Variants in SENP5 observed in about 807,000 individuals in gnomAD.
SENP5 encodes the protein SUMO specific peptidase 5.
In SENP5, 21 loss-of-function variants were observed where a neutral mutation model predicts 74.2. The ratio of observed to expected loss-of-function variants is 0.28; its 90% CI spans 0.20 to 0.41. The LOEUF (loss-of-function observed/expected upper bound fraction) is 0.41. Ranked by LOEUF, SENP5 falls within the 10% of genes least tolerant of loss-of-function variation. SENP5 has a pLI of 1.00. For missense variants in SENP5, 717 were observed against 889.1 expected (o/e 0.81, Z 2.46); for synonymous variants, 311 against 312.7 (o/e 0.99, Z 0.06).
chr3:196,914,586 A>AAAAAAAAAATATATATATATATAT, intron 6 of SENP5: 43 of 33,418 alleles, frequency 1.3e-3, no homozygotes, highest in Non-Finnish European at 2.0e-3. Context: ...AAAAAAAAAA[A>AAAAAAAAAATATATATATATATAT]ATATATATAT....
At chr3:196,881,305 G>A (rs145524829) in intron 1 of SENP5, among the ~76,000 whole-genome samples, 20 of 152,138 alleles carry the variant, frequency 1.3e-4, no homozygotes, top group African/African-American at 4.6e-4. Flanking sequence ...TTGTACATGT[G>A]TATATTTGTA....
Position 196,876,974 on chromosome 3 carries a change from G to A in SENP5, c.-31-8177G>A, listed in dbSNP as rs1713504447. Among the ~76,000 whole-genome samples, 3 of 152,096 alleles carry A rather than the reference G, an allele frequency of 2.0e-5. 1 individual carries two copies. The highest frequency in any genetic ancestry group is 2.0e-4 in the Admixed American group (3 of 15,256). On this transcript the variant is annotated intron_variant, in intron 1 of 9. Transcript: ENST00000323460. The stretch of plus-strand genomic sequence containing the variant: ...TGTTGGGCACTACAAAACCCAAACC[G>A]TGGAATCATATTGGACTCTGCCACC...
At chr3:196,916,527 C>CT (rs36159681) in intron 6 of SENP5, among the ~76,000 whole-genome samples, 34,411 of 143,152 alleles carry the variant, frequency 0.24, 4,193 homozygotes, top group African/African-American at 0.34. Flanking sequence ...AAGAGATTGA[C>CT]TTTTTTTTTT....
intron 2 of SENP5, among the ~76,000 whole-genome samples, chr3:196,893,368 A>G (rs187533279): frequency 4.6e-5 from 7 of 152,346 alleles, no homozygotes; most frequent in African/African-American, 7.2e-5. Context: ...GTGTGTGTGT[A>G]TAGCAAAAGT....
chr3:196,914,926 C>T (rs1715311112), intron 6 of SENP5, among the ~76,000 whole-genome samples: 2 of 152,074 alleles, frequency 1.3e-5, no homozygotes, highest in Non-Finnish European at 2.9e-5. Context: ...TGTGTGCTTG[C>T]AGGAGGAAGA....
chr3:196,931,452 C>G lies in SENP5; in HGVS notation c.*529C>G. The G allele has an allele frequency of 5.6e-6, 1 of 179,768 alleles. No individual in the cohort carries two copies. Among genetic ancestry groups the G allele is most frequent in the Non-Finnish European group, 1.2e-5 (1 of 86,102 alleles). 11.1% of individuals were successfully genotyped at this position (179,768 alleles called of 1,614,324 possible). ...CACCAACTTCCCTCTCCAAGTGAGT[C>G]TTAGAGAGTGCAGTCCATTCCTTTT... On this transcript the variant is annotated 3_prime_UTR_variant, in exon 10 of 10. Transcript: ENST00000323460.
At chr3:196,926,501 T>C (rs1715818345) in intron 7 of SENP5, among the ~76,000 whole-genome samples, 1 of 151,418 alleles carries the variant, frequency 6.6e-6, no homozygotes, top group South Asian at 2.1e-4. Flanking sequence ...AAAAAAAGAA[T>C]TTATATATAC....
chr3:196,903,518 T>C lies in SENP5; in HGVS notation c.1807-15T>C, dbSNP rs752815430. 2 of 1,574,262 alleles carry C rather than the reference T, an allele frequency of 1.3e-6. No individual in the cohort carries two copies. The highest frequency in any genetic ancestry group is 1.7e-6 in the Non-Finnish European group (2 of 1,157,186). ...CTAATATAATCTGGTTGCTTGTGTT[T>C]GTTGTCTGTTCTAGGTTCACTTCTT... On this transcript the variant is annotated splice_polypyrimidine_tract_variant and intron_variant, in intron 5 of 9. Coordinates refer to ENST00000323460, the MANE Select transcript of SENP5 (RefSeq NM_152699.5).
intron 2 of SENP5, among the ~76,000 whole-genome samples, chr3:196,898,764 C>A (rs959039244): frequency 1.3e-5 from 2 of 151,914 alleles, no homozygotes; most frequent in Admixed American, 1.3e-4. Flanking sequence ...CCATTCGATT[C>A]TATGCGATGA....
Position 196,895,912 on chromosome 3 carries a change from AG to A in SENP5, c.1514-3753del, listed in dbSNP as rs1714424387. ...CAGAGTGCTCTGTAATTTGAACTCC[AG>A]TTTTTGTTTGTTGTTTATTCCTAAC... On this transcript the variant is annotated intron_variant, in intron 2 of 9. Transcript: ENST00000323460. Among the ~76,000 whole-genome samples the A allele has an allele frequency of 4.6e-5, 7 of 152,286 alleles. No homozygotes were observed. In the South Asian group the frequency reaches 1.4e-3, roughly 32 times the overall value.
At chr3:196,877,127 C>T (rs1713511036) in intron 1 of SENP5, among the ~76,000 whole-genome samples, 1 of 152,064 alleles carries the variant, frequency 6.6e-6, no homozygotes, top group Non-Finnish European at 1.5e-5. Flanking sequence ...CAAGACCAGT[C>T]TGGGCAACAT....
chr3:196,885,407 C>T lies in SENP5; in HGVS notation c.226C>T (p.Leu76Phe), dbSNP rs199656533. ...IQKTWIKDEP[L>F]CAKTKFNVAT... ...GAAAACGTGGATCAAGGATGAACCC[C>T]TTTGTGCTAAGACCAAGTTCAATGT... Residue 76 changes from leucine to phenylalanine, a missense_variant, in exon 2 of 10, where the codon CTT becomes TTT. Leu to Phe is a conservative substitution (Grantham distance 22). Coordinates refer to ENST00000323460, the MANE Select transcript of SENP5 (RefSeq NM_152699.5). The T allele has an allele frequency of 2.4e-5, 38 of 1,613,996 alleles. No individual in the cohort carries two copies. The highest frequency in any genetic ancestry group is 2.1e-5 in the Non-Finnish European group (25 of 1,180,028).
At chr3:196,882,369 C>T (rs571172625) in intron 1 of SENP5, among the ~76,000 whole-genome samples, 56 of 152,246 alleles carry the variant, frequency 3.7e-4, no homozygotes, top group African/African-American at 1.1e-3. Context: ...ATTCTGTACC[C>T]ATTAAGCAAT....
Position 196,923,416 on chromosome 3 carries a change from G to A in SENP5, c.1887G>A (p.Val629=). The A allele has an allele frequency of 6.2e-7, 1 of 1,602,860 alleles. No homozygotes were observed. The highest frequency in any genetic ancestry group is 8.5e-7 in the Non-Finnish European group (1 of 1,176,550). ...TTTCTTTCTCTTTTCTTGATCAGGT[G>A]GATTTGTTTAAAAAGAGTCTTCTGT... The part of the protein sequence containing the change: ...YNGVKRWTKK[V]DLFKKSLLLI... The change falls in exon 7 of 10, where the codon GTG becomes GTA. Residue 629 remains valine, a splice_region_variant and synonymous_variant. Coordinates refer to ENST00000323460, the MANE Select transcript of SENP5 (RefSeq NM_152699.5).
At chr3:196,876,558 C>T (rs1187078666) in intron 1 of SENP5, among the ~76,000 whole-genome samples, 1 of 149,200 alleles carries the variant, frequency 6.7e-6, no homozygotes, top group Non-Finnish European at 1.5e-5. Context: ...TATTTATGTT[C>T]TTTCAACCTA....
At chr3:196,903,187 T>C (rs2108839598) in intron 5 of SENP5, among the ~76,000 whole-genome samples, 1 of 152,320 alleles carries the variant, frequency 6.6e-6, no homozygotes, top group South Asian at 2.1e-4. Context: ...GTGCCCATGC[T>C]GGAGTGCAGT....
At chr3:196,881,698 T>TA (rs1713731818) in intron 1 of SENP5, among the ~76,000 whole-genome samples, 2 of 152,102 alleles carry the variant, frequency 1.3e-5, no homozygotes, top group African/African-American at 4.8e-5. Context: ...TTTTCTAATT[T>TA]ATCAGCTGTC....
intron 1 of SENP5, among the ~76,000 whole-genome samples, chr3:196,870,428 T>C (rs1713162705): frequency 1.3e-5 from 2 of 152,210 alleles, no homozygotes; most frequent in South Asian, 4.1e-4. Flanking sequence ...ACTCTATTAT[T>C]AGTAGAGCCG....
rs933952262 is a variant in SENP5, at chr3:196,896,953, A to G, written c.1514-2713A>G. On this transcript the variant is annotated intron_variant, in intron 2 of 9. Transcript: ENST00000323460. The stretch of plus-strand genomic sequence containing the variant: ...GTACCTTGAAGGGCATTTCTACCGA[A>G]TAAGAAATCCATGTTTATCATCTGA... Among the ~76,000 whole-genome samples, 7 of 152,304 alleles carry G rather than the reference A, an allele frequency of 4.6e-5. No individual in the cohort carries two copies. The East Asian group carries it at 5.8e-4, about 13-fold the overall frequency.
Sources: gnomAD v4.1 joint callset for allele counts (sites outside exome capture counted in the v4.1 genomes callset) on GRCh38, gnomAD v4.1.1 for gene constraint, MANE v1.5 for transcripts, NCBI Gene and HGNC (gene_info 2026-07-23, HGNC 2026-07-21) for gene names.